PIEZO1: variants seen among roughly 807,000 people sequenced by gnomAD.
PIEZO1 encodes the protein piezo-type mechanosensitive ion channel component 1.
Under a neutral mutation model 297.2 loss-of-function variants are expected in PIEZO1, and 296 were observed. That is an observed-to-expected ratio of 1.00 (90% CI 0.91 to 1.10). PIEZO1 has a LOEUF of 1.10. Ranked by LOEUF, PIEZO1 falls within the 50% of genes least tolerant of loss-of-function variation. The pLI is 0.00. For synonymous variants in PIEZO1, 2,427 were observed against 1,507.5 expected, an observed-to-expected ratio of 1.61 and a Z score of -14.13; for missense variants, 5,018 against 3,455.5, an observed-to-expected ratio of 1.45 and a Z score of -11.34.
At chr16:88,741,687 C>T (rs1905674082) in intron 4 of PIEZO1, 71 bp from the exon 5 acceptor site, 1 of 1,413,828 alleles carries the variant, frequency 7.1e-7, no homozygotes, top group African/African-American at 1.6e-5. Flanking sequence ...GATGGGTCTC[C>T]AGGTGCGGGT....
chr16:88,719,393 G>A (rs1005410823), intron 44 of PIEZO1, 181 bp downstream of exon 44: 10 of 611,514 alleles, frequency 1.6e-5, no homozygotes, highest in Middle Eastern at 3.8e-4. Context: ...GCACTCACTC[G>A]CAGCTGCCAA....
rs541569160 is a variant in PIEZO1, at chr16:88,734,541, G to A, written c.1998-3C>T. ...GCTCCAGGCCCAGGTCCCCCAGCCT[G>A]TGGAGGGGCAGCATCAGCACCGGCC... On this transcript the variant is annotated splice_region_variant and splice_polypyrimidine_tract_variant and intron_variant, in intron 15 of 50. Coordinates refer to ENST00000301015, the MANE Select transcript of PIEZO1 (RefSeq NM_001142864.4). The A allele has an allele frequency of 1.5e-4, 232 of 1,542,416 alleles. 1 individual carries two copies. Among genetic ancestry groups the A allele is most frequent in the South Asian group, 6.6e-4 (55 of 83,378 alleles).
intron 40 of PIEZO1, 35 bp downstream of exon 40, chr16:88,720,581 C>A (rs759613239): frequency 1.3e-6 from 2 of 1,543,076 alleles, no homozygotes; most frequent in African/African-American, 1.4e-5. Context: ...CTCCCCACCC[C>A]CACTCCCCAG....
chr16:88,717,286 A>G, intron 44 of PIEZO1, 75 bp from the exon 45 acceptor site: 1 of 1,378,776 alleles, frequency 7.3e-7, no homozygotes, highest in Admixed American at 2.0e-5. Context: ...TCTCCAGCTC[A>G]CCCAGCAGCC....
intron 1 of PIEZO1, among the ~76,000 whole-genome samples, chr16:88,762,504 G>T (rs955920747): frequency 5.3e-5 from 8 of 152,168 alleles, no homozygotes; most frequent in African/African-American, 1.4e-4. Context: ...AGGAGAGGAT[G>T]TGTCTGGGGA....
At chr16:88,724,116 C>G (rs975060857) in intron 30 of PIEZO1, 145 bp from the exon 31 acceptor site, 11 of 618,690 alleles carry the variant, frequency 1.8e-5, no homozygotes, top group Non-Finnish European at 2.3e-5. Flanking sequence ...CACAGGCCAG[C>G]GCGGTGGGAC....
At chr16:88,772,876 G>C (rs1440615373) in intron 1 of PIEZO1, among the ~76,000 whole-genome samples, 6 of 152,068 alleles carry the variant, frequency 3.9e-5, no homozygotes, top group African/African-American at 9.6e-5. Flanking sequence ...CCTTGCAAAT[G>C]TGCAAGCTCC....
chr16:88,772,775 CAA>C (rs59210137), intron 1 of PIEZO1, among the ~76,000 whole-genome samples: 15 of 122,480 alleles, frequency 1.2e-4, no homozygotes, highest in East Asian at 2.4e-4. Context: ...GAGACTCTGT[CAA>C]AAAAAAAAAA....
intron 2 of PIEZO1, chr16:88,742,808 T>G (rs7198475): frequency 0.016 from 5,300 of 339,902 alleles, 219 homozygotes; most frequent in African/African-American, 0.1. Flanking sequence ...CTCACCCCAG[T>G]GGGGGCTGCA....
chr16:88,719,705 A>G lies in PIEZO1; in HGVS notation c.6340T>C (p.Phe2114Leu). 1 of 1,551,610 alleles carries G rather than the reference A, an allele frequency of 6.4e-7. No homozygotes were observed. The highest frequency in any genetic ancestry group is 2.0e-5 in the Admixed American group (1 of 51,178). Residue 2114 changes from phenylalanine to leucine, a missense_variant, in exon 44 of 51, where the codon TTC becomes CTC. Physicochemically the swap from Phe to Leu is conservative, Grantham distance 22 (BLOSUM62 0). Transcript: ENST00000301015. Reference sequence around the variant, plus strand: ...ATCACTGCCCGCAGCTCCACCAGGAACGGCACCAGCCGGAACCTGCCCACA... The same window carrying G: ...ATCACTGCCCGCAGCTCCACCAGGAGCGGCACCAGCCGGAACCTGCCCACA... ...FLFQGFRLVP[F>L]LVELRAVMDW...
intron 1 of PIEZO1, among the ~76,000 whole-genome samples, chr16:88,749,837 G>T (rs994977751): frequency 2.0e-5 from 3 of 152,164 alleles, no homozygotes; most frequent in Non-Finnish European, 4.4e-5. Context: ...AGACCAGCCT[G>T]GCCAACGTGG....
At chr16:88,737,856 C>T (rs568503796) in intron 8 of PIEZO1, 42 bp from the exon 9 acceptor site, 5 of 1,533,378 alleles carry the variant, frequency 3.3e-6, no homozygotes, top group Admixed American at 2.0e-5. Context: ...GCTCCACACC[C>T]CACCCAGAGG....
chr16:88,738,815 G>A, intron 5 of PIEZO1, 79 bp from the exon 6 acceptor site: 1 of 1,329,556 alleles, frequency 7.5e-7, no homozygotes. Flanking sequence ...GCCCAGCCAG[G>A]AGCGTGGGAG....
rs541958528 is a variant in PIEZO1, at chr16:88,781,916, G to A, written c.64+2985C>T. 1.2e-4 allele frequency among the ~76,000 whole-genome samples: 18 copies of A among 152,384 alleles called. No individual in the cohort carries two copies. The South Asian group carries it at 2.3e-3, about 19-fold the overall frequency. ...GGAGGTGACGCCCAGCTTGCCGGCC[G>A]TGGGTGTGCCCCTAGGCTGTGCCAC... is the stretch of plus-strand genomic sequence containing the variant. On this transcript the variant is annotated intron_variant, in intron 1 of 50. Transcript: ENST00000301015.
In PIEZO1 at chr16:88,716,454, T is replaced by C. The variant is rs1912040111; in HGVS notation, c.6956A>G (p.Tyr2319Cys). Residue 2319 changes from tyrosine to cysteine, a missense_variant, in exon 48 of 51, where the codon TAT (tyrosine) becomes TGT (cysteine). By Grantham distance (194) the Tyr-to-Cys change is radical. Transcript: ENST00000301015. ...GGCCAGCATGTGCTTCTCGTTGGCA[T>C]ACTCCACAGTGCCTCCCTTCGCCAG... ...RDLAKGGTVE[Y>C]ANEKHMLALA... 1.3e-6 allele frequency: 2 copies of C among 1,549,606 alleles called. No homozygotes were observed. The highest frequency in any genetic ancestry group is 1.2e-5 in the South Asian group (1 of 83,944).
chr16:88,755,428 G>A (rs1427350962), intron 1 of PIEZO1, among the ~76,000 whole-genome samples: 1 of 152,168 alleles, frequency 6.6e-6, no homozygotes, highest in Non-Finnish European at 1.5e-5. Context: ...AACAAACCCG[G>A]TGCTGCAGCA....
chr16:88,725,459 G>A lies in PIEZO1; in HGVS notation c.4119C>T (p.Arg1373=). ...CCTTGGGGCCCAGGGTGTCCTGGGG[G>A]CGACTGCGGTCCACCCGGCCCTGCC... ...KHRQGRVDRS[R]PQDTLGPKDP... Residue 1373 remains arginine (R), a synonymous_variant, in exon 29 of 51, where the codon CGC becomes CGT. Transcript: ENST00000301015. The A allele has an allele frequency of 1.3e-6, 2 of 1,503,550 alleles. No homozygotes were observed. Among genetic ancestry groups the A allele is most frequent in the East Asian group, 2.5e-5 (1 of 40,276 alleles). 93.1% of individuals were successfully genotyped at this position (1,503,550 alleles called of 1,614,324 possible).
Position 88,742,072 on chromosome 16 carries a change from G to T in PIEZO1, c.307C>A (p.Arg103=), listed in dbSNP as rs759026521. 8 of 1,535,946 alleles carry T rather than the reference G, an allele frequency of 5.2e-6. No homozygotes were observed. The highest frequency in any genetic ancestry group is 4.1e-5 in the African/African-American group (3 of 72,982). Residue 103 remains arginine (R), a synonymous_variant, in exon 4 of 51, where the codon CGA becomes AGA. Coordinates refer to ENST00000301015, the MANE Select transcript of PIEZO1 (RefSeq NM_001142864.4). ...TCTTACCTTGTGACCCCTATGTGTC[G>T]CGAGAGGGTCTCCCAGCGGCTGCCT... ...PSCSRWETLS[R]HIGVTRLDLK... is the part of the protein sequence containing the mutation.
rs1905042517 is a variant in PIEZO1 at position 88,733,948 on chromosome 16, G to A, written c.2287C>T (p.Leu763=). The change falls in exon 17 of 51, where the codon CTG becomes TTG. Residue 763 remains leucine (L), a synonymous_variant. Transcript: ENST00000301015. ...EEEEDSRDEG[L]GVATPHQATQ... ...GCCTGGTGGGGAGTGGCCACGCCCA[G>A]CCCCTCGTCCCTGGAGTCCTCCTCC... 3.2e-6 allele frequency: 5 copies of A among 1,546,166 alleles called. No individual in the cohort carries two copies. The highest frequency in any genetic ancestry group is 1.4e-5 in the African/African-American group (1 of 73,012).
Sources: gnomAD v4.1 joint callset for allele counts (sites outside exome capture counted in the v4.1 genomes callset) on GRCh38, gnomAD v4.1.1 for gene constraint, MANE v1.5 for transcripts, NCBI Gene and HGNC (gene_info 2026-07-23, HGNC 2026-07-21) for gene names.